WNK3: variants seen among roughly 807,000 people sequenced by gnomAD.
WNK3 encodes the protein WNK lysine deficient protein kinase 3.
In WNK3, 18 loss-of-function variants were observed where a neutral mutation model predicts 116.7. That is an observed-to-expected ratio of 0.15 (90% CI 0.11 to 0.23). The LOEUF is 0.23. WNK3 is among the 10% of genes least tolerant of loss of function. The pLI is 1.00. For synonymous variants in WNK3, 404 were observed against 469.4 expected, an observed-to-expected ratio of 0.86 and a Z score of 1.80; for missense variants, 993 against 1,323.8, an observed-to-expected ratio of 0.75 and a Z score of 3.88.
intron 23 of WNK3, among the ~76,000 whole-genome samples, chrX:54,199,800 T>C (rs1191672901): frequency 1.8e-5 from 2 of 111,748 alleles, no homozygotes; most frequent in African/African-American, 6.5e-5. Flanking sequence ...GCCATTGCAC[T>C]CCAGCCTGGG....
chrX:54,250,028 G>A (rs2068112932), exon 16 of WNK3: 26 of 1,204,417 alleles, frequency 2.2e-5, no homozygotes, highest in Non-Finnish European at 2.9e-5. Flanking sequence ...CCGCAGACAT[G>A]GAATGCTGAA....
chrX:54,337,545 C>A (rs2069256370), intron 1 of WNK3, among the ~76,000 whole-genome samples: 1 of 60,087 alleles, frequency 1.7e-5, no homozygotes. Context: ...GGCGACAGAG[C>A]GAGACTAGTC....
intron 10 of WNK3, among the ~76,000 whole-genome samples, chrX:54,290,092 A>T (rs1294867547): frequency 9.0e-6 from 1 of 111,592 alleles, no homozygotes; most frequent in African/African-American, 3.3e-5. Context: ...CCTGGCCAAC[A>T]TGACAAAACC....
chrX:54,290,391 G>A (rs1183430382), intron 10 of WNK3, among the ~76,000 whole-genome samples: 1 of 111,803 alleles, frequency 8.9e-6, no homozygotes, highest in Non-Finnish European at 1.9e-5. Flanking sequence ...CAGGTACAAG[G>A]AGAATTCAAA....
In WNK3 at chrX:54,349,975, T is replaced by C. The variant is rs782031178; in HGVS notation, c.-120+7711A>G. On this transcript the variant is annotated intron_variant, in intron 1 of 23. Coordinates refer to ENST00000354646, the Ensembl canonical transcript of WNK3. ...CATGTATGTATAGGAATGCAGTCTA[T>C]GGTAAAAATGGCATTTCAAATTTGT... 4.5e-4 allele frequency among the ~76,000 whole-genome samples: 51 copies of C among 112,218 alleles called. No homozygotes were observed. In the Admixed American group the frequency reaches 4.6e-3, roughly 10 times the overall value.
intron 17 of WNK3, among the ~76,000 whole-genome samples, chrX:54,246,677 C>A (rs1278653753): frequency 1.7e-4 from 19 of 111,873 alleles, no homozygotes; most frequent in Non-Finnish European, 1.9e-5. Context: ...TAGACCTGTG[C>A]TAACTGAATA....
At chrX:54,302,489 C>T (rs1364085900) in intron 5 of WNK3, among the ~76,000 whole-genome samples, 2 of 107,933 alleles carry the variant, frequency 1.9e-5, no homozygotes, top group African/African-American at 3.4e-5. Context: ...TTAGTAGAGA[C>T]GGGGTTTCAC....
chrX:54,226,051 T>C (rs1401488923), intron 22 of WNK3, among the ~76,000 whole-genome samples: 1 of 78,895 alleles, frequency 1.3e-5, no homozygotes. Context: ...GGAAAAATAG[T>C]CTTTTCAACA....
chrX:54,261,131 G>A (rs1447697745), intron 10 of WNK3, among the ~76,000 whole-genome samples: 1 of 110,401 alleles, frequency 9.1e-6, no homozygotes, highest in African/African-American at 3.3e-5. Context: ...ATTCTGCCTG[G>A]GCATGGTGGC....
chrX:54,337,875 TG>T (rs2069263961), intron 1 of WNK3, among the ~76,000 whole-genome samples: 1 of 111,087 alleles, frequency 9.0e-6, no homozygotes, highest in South Asian at 3.8e-4. Flanking sequence ...GAGACCAGCC[TG>T]GGCAACATGG....
chrX:54,267,737 A>C (rs2068330789), intron 10 of WNK3, among the ~76,000 whole-genome samples: 1 of 110,333 alleles, frequency 9.1e-6, no homozygotes, highest in Non-Finnish European at 1.9e-5. Flanking sequence ...CGGAGGTTGC[A>C]GTGAGCCAAG....
intron 22 of WNK3, among the ~76,000 whole-genome samples, chrX:54,215,116 CAAAAAAA>C (rs60946524): frequency 2.7e-4 from 8 of 29,458 alleles, no homozygotes; most frequent in Non-Finnish European, 6.6e-5. Flanking sequence ...GACTCCATCT[CAAAAAAA>C]AAAAAAAAAA....
chrX:54,257,613 G>C (rs1557155787), intron 11 of WNK3, among the ~76,000 whole-genome samples: 1 of 108,045 alleles, frequency 9.3e-6, no homozygotes, highest in Non-Finnish European at 1.9e-5. Context: ...TGGACAACAT[G>C]GTGAAACCCT....
intron 20 of WNK3, among the ~76,000 whole-genome samples, 182 bp from the exon 21 acceptor site, chrX:54,233,202 A>G (rs1169591987): frequency 9.5e-6 from 1 of 105,147 alleles, no homozygotes; most frequent in African/African-American, 3.5e-5. Flanking sequence ...AGGCAGGAGT[A>G]TTGTTTCAGA....
At chrX:54,284,993 T>C (rs1356241487) in intron 10 of WNK3, among the ~76,000 whole-genome samples, 1 of 110,024 alleles carries the variant, frequency 9.1e-6, no homozygotes. Context: ...AAAAAGCTAC[T>C]GATACATACA....
At chrX:54,225,358 C>T (rs1220757389) in intron 22 of WNK3, among the ~76,000 whole-genome samples, 1 of 109,775 alleles carries the variant, frequency 9.1e-6, no homozygotes, top group African/African-American at 3.3e-5. Context: ...TGGTGGCTCA[C>T]GACTGTAAAC....
At chrX:54,339,004 A>G (rs1461977215) in intron 1 of WNK3, among the ~76,000 whole-genome samples, 1 of 107,035 alleles carries the variant, frequency 9.3e-6, no homozygotes, top group East Asian at 2.9e-4. Flanking sequence ...TCTGTCTCAA[A>G]AAAAAAAAAA....
intron 12 of WNK3, among the ~76,000 whole-genome samples, chrX:54,254,321 A>G (rs961203891): frequency 1.8e-5 from 2 of 112,444 alleles, no homozygotes; most frequent in Non-Finnish European, 3.8e-5. Flanking sequence ...TACAACTTTT[A>G]TAAGAAAGCA....
intron 10 of WNK3, among the ~76,000 whole-genome samples, chrX:54,291,016 T>C (rs1460134964): frequency 9.0e-6 from 1 of 111,650 alleles, no homozygotes; most frequent in Non-Finnish European, 1.9e-5. Flanking sequence ...ACCTCAAACA[T>C]AAACAATAAG....
Sources: gnomAD v4.1 joint callset for allele counts (sites outside exome capture counted in the v4.1 genomes callset) on GRCh38, gnomAD v4.1.1 for gene constraint, MANE v1.5 for transcripts, NCBI Gene and HGNC (gene_info 2026-07-23, HGNC 2026-07-21) for gene names.